Variants in SNAPC4 observed in about 807,000 individuals in gnomAD.
SNAPC4 encodes small nuclear RNA activating complex polypeptide 4, also known as snRNA-activating protein complex subunit 4.
Under a neutral mutation model 151.3 loss-of-function variants are expected in SNAPC4, and 127 were observed. The observed-to-expected ratio is 0.84, with a 90% CI of 0.73 to 0.97. The LOEUF (loss-of-function observed/expected upper bound fraction) is 0.97, where lower values mean the gene tolerates loss of function less well. SNAPC4 is among the 50% of genes least tolerant of loss of function. The pLI is 0.00. For synonymous variants in SNAPC4, 1,002 were observed against 824.4 expected (o/e 1.22, Z -3.69); for missense variants, 2,186 against 1,935.0 (o/e 1.13, Z -2.43).
chr9:136,389,776 G>T (rs1834006019), intron 10 of SNAPC4, among the ~76,000 whole-genome samples: 2 of 152,174 alleles, frequency 1.3e-5, no homozygotes, highest in African/African-American at 4.8e-5. Context: ...TCAGAGCTGG[G>T]CCCTGCTCGG....
intron 10 of SNAPC4, among the ~76,000 whole-genome samples, chr9:136,390,271 A>T (rs1043213401): frequency 6.6e-6 from 1 of 152,104 alleles, no homozygotes; most frequent in Non-Finnish European, 1.5e-5. Flanking sequence ...AAATACAGGG[A>T]TGGGCCGGGC....
At chr9:136,395,534 G>A in intron 4 of SNAPC4, 69 bp downstream of exon 4, 2 of 1,564,276 alleles carry the variant, frequency 1.3e-6, no homozygotes, top group South Asian at 2.3e-5. Flanking sequence ...CCTGGACCTG[G>A]GAGGCCCAGC....
intron 2 of SNAPC4, among the ~76,000 whole-genome samples, chr9:136,398,096 C>T (rs1235782908): frequency 1.3e-5 from 2 of 152,108 alleles, no homozygotes. Context: ...TTTTTAGAGA[C>T]AGGGTCTTGC....
chr9:136,380,129 C>G (rs1036764767), intron 20 of SNAPC4, among the ~76,000 whole-genome samples: 2 of 152,196 alleles, frequency 1.3e-5, no homozygotes, highest in Non-Finnish European at 2.9e-5. Context: ...ACCGGAGGCT[C>G]CTGAACCGCA....
chr9:136,399,054 G>C (rs1005066713), intron 1 of SNAPC4, among the ~76,000 whole-genome samples: 5 of 152,250 alleles, frequency 3.3e-5, no homozygotes, highest in African/African-American at 4.8e-5. Flanking sequence ...ACAAATGTTT[G>C]TCAAGCTTTT....
chr9:136,392,648 G>C (rs1834120524), intron 8 of SNAPC4, 25 bp downstream of exon 8: 1 of 1,612,702 alleles, frequency 6.2e-7, no homozygotes, highest in Non-Finnish European at 8.5e-7. Context: ...GGCTCCCCTG[G>C]GCCCTCCCGG....
chr9:136,384,282 C>T (rs749841577), intron 14 of SNAPC4, among the ~76,000 whole-genome samples: 3 of 152,178 alleles, frequency 2.0e-5, no homozygotes, highest in East Asian at 1.9e-4. Context: ...GCGCACACCA[C>T]GGCCCTCACA....
Position 136,380,815 on chromosome 9 carries a change from G to T in SNAPC4, c.2424C>A (p.Val808=), listed in dbSNP as rs761269854. The T allele has an allele frequency of 6.2e-7, 1 of 1,611,272 alleles. No homozygotes were observed. Residue 808 remains valine, a synonymous_variant, in exon 20 of 24, where the codon GTC becomes GTA. Coordinates refer to ENST00000684778, the MANE Select transcript of SNAPC4 (RefSeq NM_003086.4). ...GTGGCAGGGCCTTCCTCTCTCGGAC[G>T]ACCTCCAAGCAGCCGGCAGTATCGA... is the stretch of plus-strand genomic sequence containing the variant. The part of the protein sequence containing the change: ...FHIDTAGCLE[V]VRERKALPPR...
intron 10 of SNAPC4, among the ~76,000 whole-genome samples, chr9:136,389,671 G>A (rs560198353): frequency 4.6e-5 from 7 of 152,300 alleles, no homozygotes; most frequent in Non-Finnish European, 7.3e-5. Context: ...TCAAGCTGGC[G>A]CTTCCCAACC....
chr9:136,388,648 C>G (rs1833972295), intron 10 of SNAPC4, 57 bp from the exon 11 acceptor site: 1 of 1,607,176 alleles, frequency 6.2e-7, no homozygotes, highest in Non-Finnish European at 8.5e-7. Flanking sequence ...ATGTCCAGAT[C>G]TGGCTCTGAG....
chr9:136,377,677 G>T lies in SNAPC4; in HGVS notation c.4150C>A (p.Gln1384Lys), dbSNP rs764610473. 26 of 1,607,356 alleles carry T rather than the reference G, an allele frequency of 1.6e-5. No homozygotes were observed. The highest frequency in any genetic ancestry group is 2.2e-5 in the Non-Finnish European group (26 of 1,176,568). ...LPALLATLAP[Q>K]GVRTTLSVPS... The stretch of plus-strand genomic sequence containing the variant: ...ACTGAGAGGGTGGTGCGGACGCCTT[G>T]GGGGGCCAGGGTGGCCAGGAGCGCA... Residue 1384 changes from glutamine to lysine, a missense_variant, in exon 22 of 24, where the codon CAA (glutamine) becomes AAA (lysine). Transcript: ENST00000684778.
rs1334279203 is a variant in SNAPC4 at position 136,392,063 on chromosome 9, T to C, written c.854A>G (p.Gln285Arg). 4 of 1,612,582 alleles carry C rather than the reference T, an allele frequency of 2.5e-6. No homozygotes were observed. Among genetic ancestry groups the C allele is most frequent in the South Asian group, 1.1e-5 (1 of 91,076 alleles). Residue 285 changes from glutamine to arginine, a missense_variant, in exon 10 of 24, where the codon CAG becomes CGG. Gln to Arg is a conservative substitution (Grantham distance 43). Coordinates refer to ENST00000684778, the MANE Select transcript of SNAPC4 (RefSeq NM_003086.4). Reference sequence around the variant, plus strand: ...GTTGATGCTGGGGTGCTCCGAGTTCTGCCAGAACTTCCGGATCTCCTCTGC... The same window carrying C: ...GTTGATGCTGGGGTGCTCCGAGTTCCGCCAGAACTTCCGGATCTCCTCTGC... ...RSAEEIRKFW[Q>R]NSEHPSINKQ...
At position 136,379,073 on chromosome 9, in the gene SNAPC4, C is replaced by A. The variant is rs575995663; in HGVS notation, c.2754G>T (p.Pro918=). The change falls in exon 22 of 24, where the codon CCG becomes CCT. Residue 918 remains proline (P), a synonymous_variant. Coordinates refer to ENST00000684778, the MANE Select transcript of SNAPC4 (RefSeq NM_003086.4). ...REATRGPVVL[P]SQLLVSSSVI... is the part of the protein sequence containing the mutation. ...CAGACGAGGAGACCAGCAGCTGGGA[C>A]GGGAGCACCACCGGGCCCCGGGTGG... 5.7e-5 allele frequency: 90 copies of A among 1,578,700 alleles called. No individual in the cohort carries two copies. The South Asian group carries it at 9.7e-4, about 17-fold the overall frequency.
Position 136,383,435 on chromosome 9 carries a change from G to C in SNAPC4, c.1734C>G (p.Ser578Arg). The C allele has an allele frequency of 6.4e-7, 1 of 1,562,710 alleles. No individual in the cohort carries two copies. Among genetic ancestry groups the C allele is most frequent in the East Asian group, 2.4e-5 (1 of 41,740 alleles). The part of the protein sequence containing the change: ...DMDLWVPARQ[S>R]TSQPWRGGAG... ...CCCCTCCTCTCCATGGCTGGCTGGT[G>C]CTCTGCCTGGCAGGAACCCACAGGT... The change falls in exon 16 of 24, where the codon AGC becomes AGG. Residue 578 changes from serine to arginine, a missense_variant. Coordinates refer to ENST00000684778, the MANE Select transcript of SNAPC4 (RefSeq NM_003086.4). The surrounding 1 kb of genome is among the most constrained non-coding windows in gnomAD (Gnocchi z 4.2).
At chr9:136,389,527 A>G (rs1180464530) in intron 10 of SNAPC4, among the ~76,000 whole-genome samples, 1 of 151,408 alleles carries the variant, frequency 6.6e-6, no homozygotes, top group African/African-American at 2.4e-5. Context: ...CGTTCACCAC[A>G]AACAAAACCA....
rs1342842631 is a variant in SNAPC4 at position 136,383,593 on chromosome 9, T to C, written c.1576A>G (p.Ser526Gly). 6 of 1,611,556 alleles carry C rather than the reference T, an allele frequency of 3.7e-6. No homozygotes were observed. The highest frequency in any genetic ancestry group is 1.7e-4 in the Middle Eastern group (1 of 6,048). ...CTCCCTCCACTGCTGCCACTGCTGC[T>C]GCCGCTGCTGCTGGTAGAGCTCCAC... is the stretch of plus-strand genomic sequence containing the variant. ...VRWSSTSSSG[S>G]SSGSSGGSSS... Residue 526 changes from serine to glycine, a missense_variant, in exon 16 of 24, where the codon AGC (serine) becomes GGC (glycine). Coordinates refer to ENST00000684778, the MANE Select transcript of SNAPC4 (RefSeq NM_003086.4). This position sits in a 1 kb window ranked among gnomAD's most constrained non-coding sequence, Gnocchi z 4.2.
intron 6 of SNAPC4, 60 bp downstream of exon 6, chr9:136,394,740 G>A: frequency 6.9e-7 from 1 of 1,445,366 alleles, no homozygotes; most frequent in Non-Finnish European, 9.7e-7. Context: ...CTGGGGAAAG[G>A]AGGGCCATGG....
In SNAPC4 at chr9:136,383,201, C is replaced by T. The variant is rs778676025; in HGVS notation, c.1968G>A (p.Glu656=). Residue 656 remains glutamate, a synonymous_variant, in exon 16 of 24, where the codon GAG becomes GAA. Transcript: ENST00000684778. The surrounding 1 kb of genome is among the most constrained non-coding windows in gnomAD (Gnocchi z 4.2). ...CGGGGCCTACCTCCAGGGCCTGCTT[C>T]TCTGCGCCCGCCGGGCGAGTGTCTG... ...HSADTRPAGA[E]KQALEGGRRL... The T allele has an allele frequency of 3.9e-6, 6 of 1,543,394 alleles. No homozygotes were observed. The highest frequency in any genetic ancestry group is 4.4e-6 in the Non-Finnish European group (5 of 1,147,952).
rs186767667 is a variant in SNAPC4 at position 136,387,163 on chromosome 9, C to T, written c.1325+322G>A. Among the ~76,000 whole-genome samples, 71 of 152,360 alleles carry T rather than the reference C, an allele frequency of 4.7e-4. 2 individuals are homozygous for T. The East Asian group carries it at 7.5e-3, about 16-fold the overall frequency. ...GAGCTGCAGCTGTGTGCCCAGAGGTCCTGCCTATCAGCATTCTGAGAGAAC... is the reference window on the plus strand; with the variant it reads ...GAGCTGCAGCTGTGTGCCCAGAGGTTCTGCCTATCAGCATTCTGAGAGAAC... On this transcript the variant is annotated intron_variant, in intron 13 of 23. Transcript: ENST00000684778.
Sources: allele counts gnomAD v4.1 joint callset (sites outside exome capture counted in the v4.1 genomes callset), GRCh38; gene constraint gnomAD v4.1.1; non-coding constraint Gnocchi (gnomAD v3.1); transcripts MANE v1.5; gene names NCBI Gene and HGNC (gene_info 2026-07-23, HGNC 2026-07-21).